Variants in KCTD8 observed in about 807,000 individuals in gnomAD.
The protein encoded by KCTD8 is BTB/POZ domain-containing protein KCTD8.
In KCTD8, 27 loss-of-function variants were observed where a neutral mutation model predicts 31.5. The observed-to-expected ratio is 0.86, with a 90% confidence interval of 0.63 to 1.18. The LOEUF is 1.18. Ranked by LOEUF, KCTD8 falls within the 50% of genes most tolerant of loss-of-function variation. The pLI is 0.00. For missense variants in KCTD8, 658 were observed against 647.7 expected (o/e 1.02, Z -0.17); for synonymous variants, 290 against 280.0 (o/e 1.04, Z -0.36).
At position 44,260,839 on chromosome 4, in the gene KCTD8, G is replaced by A. The variant is rs145623415; in HGVS notation, c.962-85589C>T. Among the ~76,000 whole-genome samples the A allele has an allele frequency of 6.1e-3, 926 of 152,020 alleles. 13 individuals carry two copies. Among genetic ancestry groups the A allele is most frequent in the African/African-American group, 0.021 (863 of 41,514 alleles). On this transcript the variant is annotated intron_variant, in intron 1 of 1. Transcript: ENST00000360029. ...GATGGAAATCATTGGAAAGTTAAGA[G>A]CAAGGGAGTGGTATGGTATGAGTTT...
At chr4:44,330,618 G>A (rs1718569722) in intron 1 of KCTD8, among the ~76,000 whole-genome samples, 1 of 151,932 alleles carries the variant, frequency 6.6e-6, no homozygotes, top group Non-Finnish European at 1.5e-5. Flanking sequence ...TAATAAATGA[G>A]AATCTGACAA....
intron 1 of KCTD8, among the ~76,000 whole-genome samples, chr4:44,333,686 T>A (rs1718645807): frequency 6.6e-6 from 1 of 152,114 alleles, no homozygotes; most frequent in Non-Finnish European, 1.5e-5. Flanking sequence ...AAAAATAAGA[T>A]GACCTAGGAG....
chr4:44,255,245 GTTC>G (rs1382457048), intron 1 of KCTD8, among the ~76,000 whole-genome samples: 1 of 151,758 alleles, frequency 6.6e-6, no homozygotes, highest in Non-Finnish European at 1.5e-5. Context: ...CTTTCTTTCA[GTTC>G]TTCTGTGGTT....
At chr4:44,241,903 T>C (rs1715466346) in intron 1 of KCTD8, among the ~76,000 whole-genome samples, 1 of 152,222 alleles carries the variant, frequency 6.6e-6, no homozygotes, top group African/African-American at 2.4e-5. Flanking sequence ...ATTGCTATAA[T>C]AATAAATATT....
At chr4:44,440,582 A>G (rs1721788963) in intron 1 of KCTD8, among the ~76,000 whole-genome samples, 1 of 152,220 alleles carries the variant, frequency 6.6e-6, no homozygotes, top group African/African-American at 2.4e-5. Context: ...TCTTGAAGTG[A>G]AACTAAACCT....
chr4:44,304,664 A>G (rs1717747350), intron 1 of KCTD8, among the ~76,000 whole-genome samples: 1 of 152,300 alleles, frequency 6.6e-6, no homozygotes. Context: ...AAATTATAGG[A>G]TATAATAAAT....
rs1442611361 is a variant in KCTD8 at position 44,447,992 on chromosome 4, G to C, written c.532C>G (p.Leu178Val). ...NVSQGSSDAL[L>V]LRGAAAAVPS... ...ACGGCGGCCGCCGCCCCGCGCAGCA[G>C]CAGCGCGTCGCTGCTACCCTGCGAG... The change falls in exon 1 of 2, where the codon CTG becomes GTG. Residue 178 changes from leucine (L) to valine (V), a missense_variant. Physicochemically the swap from Leu to Val is conservative, Grantham distance 32. Coordinates refer to ENST00000360029, the MANE Select transcript of KCTD8 (RefSeq NM_198353.3). 2.6e-6 allele frequency: 4 copies of C among 1,562,200 alleles called. No individual in the cohort carries two copies. Among genetic ancestry groups the C allele is most frequent in the African/African-American group, 1.4e-5 (1 of 73,276 alleles).
At chr4:44,440,535 G>A (rs866631076) in intron 1 of KCTD8, among the ~76,000 whole-genome samples, 11 of 152,152 alleles carry the variant, frequency 7.2e-5, no homozygotes, top group African/African-American at 1.2e-4. Flanking sequence ...TCTTACCCAC[G>A]CTTTAGCCTG....
At chr4:44,253,487 A>G (rs1335285742) in intron 1 of KCTD8, among the ~76,000 whole-genome samples, 1 of 151,752 alleles carries the variant, frequency 6.6e-6, no homozygotes, top group Non-Finnish European at 1.5e-5. Context: ...TGCAAAATGG[A>G]ATCCAATAGA....
intron 1 of KCTD8, among the ~76,000 whole-genome samples, chr4:44,386,023 A>C (rs1720201953): frequency 6.6e-6 from 1 of 151,578 alleles, no homozygotes. Context: ...CACCCATTTA[A>C]GTAGTTACTA....
intron 1 of KCTD8, among the ~76,000 whole-genome samples, chr4:44,420,553 T>C (rs949558748): frequency 6.6e-6 from 1 of 152,154 alleles, no homozygotes. Flanking sequence ...TTTGCAATAA[T>C]CACAGAGTAG....
chr4:44,354,202 T>C (rs565074132), intron 1 of KCTD8, among the ~76,000 whole-genome samples: 1 of 152,284 alleles, frequency 6.6e-6, no homozygotes, highest in South Asian at 2.1e-4. Context: ...CTTAAACATA[T>C]TTAAGTTCAT....
intron 1 of KCTD8, among the ~76,000 whole-genome samples, chr4:44,364,051 A>G (rs1467370880): frequency 6.6e-6 from 1 of 152,112 alleles, no homozygotes; most frequent in African/African-American, 2.4e-5. Context: ...TTTAGATACA[A>G]CATGAAAAGC....
rs1191353556 is a variant in KCTD8 at position 44,448,274 on chromosome 4, G to C, written c.250C>G (p.Arg84Gly). ...TCCCTGGGCAGCTCGCCCCGGCGCC[G>C]GGCGCCGCCACGGGGACTAGAGGGC... is the stretch of plus-strand genomic sequence containing the variant. ...FSPSSPRGGA[R>G]RRGELPRDSR... The change falls in exon 1 of 2, where the codon CGG (arginine) becomes GGG (glycine). Residue 84 changes from arginine to glycine, a missense_variant. Arg to Gly is a moderately radical substitution (Grantham distance 125). Coordinates refer to ENST00000360029, the MANE Select transcript of KCTD8 (RefSeq NM_198353.3). The surrounding 1 kb of genome is among the most constrained non-coding windows in gnomAD (Gnocchi z 4.1). The C allele has an allele frequency of 6.2e-7, 1 of 1,604,934 alleles. No individual in the cohort carries two copies. The highest frequency in any genetic ancestry group is 8.5e-7 in the Non-Finnish European group (1 of 1,176,592).
intron 1 of KCTD8, among the ~76,000 whole-genome samples, chr4:44,405,071 T>A (rs1017107135): frequency 1.3e-5 from 2 of 152,154 alleles, no homozygotes; most frequent in African/African-American, 4.8e-5. Flanking sequence ...TTAACTTAGA[T>A]CTGAATTTCT....
At chr4:44,306,259 A>G (rs543618876) in intron 1 of KCTD8, among the ~76,000 whole-genome samples, 2 of 152,172 alleles carry the variant, frequency 1.3e-5, no homozygotes, top group South Asian at 4.1e-4. Context: ...TGATTGCTAT[A>G]TCTCTAATAT....
chr4:44,286,779 G>A (rs1329888058), intron 1 of KCTD8, among the ~76,000 whole-genome samples: 1 of 152,094 alleles, frequency 6.6e-6, no homozygotes, highest in African/African-American at 2.4e-5. Context: ...AGGATGGATG[G>A]TTTAGGGGTA....
intron 1 of KCTD8, among the ~76,000 whole-genome samples, chr4:44,224,003 T>G (rs1577839122): frequency 6.6e-6 from 1 of 152,310 alleles, no homozygotes; most frequent in African/African-American, 2.4e-5. Context: ...TATTCCAAAA[T>G]TCTTTAATGT....
intron 1 of KCTD8, among the ~76,000 whole-genome samples, chr4:44,271,589 G>T (rs1455900922): frequency 6.6e-6 from 1 of 152,108 alleles, no homozygotes; most frequent in Non-Finnish European, 1.5e-5. Flanking sequence ...AAGGTTGTGG[G>T]TTTACAGGAA....
Sources: allele counts gnomAD v4.1 joint callset (sites outside exome capture counted in the v4.1 genomes callset), GRCh38; gene constraint gnomAD v4.1.1; non-coding constraint Gnocchi (gnomAD v3.1); transcripts MANE v1.5; gene names NCBI Gene and HGNC (gene_info 2026-07-23, HGNC 2026-07-21).